Variants in PEBP4 observed in about 807,000 individuals in gnomAD.
PEBP4 encodes phosphatidylethanolamine binding protein 4, also known as phosphatidylethanolamine-binding protein 4.
Under a neutral mutation model 23.9 loss-of-function variants are expected in PEBP4, and 22 were observed. The observed-to-expected ratio is 0.92, with a 90% CI of 0.66 to 1.31. The LOEUF (loss-of-function observed/expected upper bound fraction) is 1.31. PEBP4 is among the 40% of genes most tolerant of loss of function. PEBP4 has a pLI of 0.00. For synonymous variants in PEBP4, 112 were observed against 99.3 expected (o/e 1.13, Z -0.76); for missense variants, 324 against 281.7 (o/e 1.15, Z -1.07).
At chr8:22,829,715 T>A (rs1807041079) in intron 3 of PEBP4, among the ~76,000 whole-genome samples, 3 of 152,200 alleles carry the variant, frequency 2.0e-5, no homozygotes, top group African/African-American at 7.2e-5. Flanking sequence ...CTCCTCATCA[T>A]TAAAACATGA....
chr8:22,893,249 T>C (rs564465262), intron 3 of PEBP4, among the ~76,000 whole-genome samples: 1 of 152,332 alleles, frequency 6.6e-6, no homozygotes, highest in South Asian at 2.1e-4. Flanking sequence ...AACGCTGCTC[T>C]TGTCCTATTT....
chr8:22,800,006 A>G (rs1430935747), intron 4 of PEBP4, among the ~76,000 whole-genome samples: 2 of 152,226 alleles, frequency 1.3e-5, no homozygotes, highest in African/African-American at 2.4e-5. Flanking sequence ...CATATACACC[A>G]TGGAATATTA....
chr8:22,756,069 G>A (rs983907308), intron 4 of PEBP4: 2 of 152,192 alleles, frequency 1.3e-5, no homozygotes, highest in African/African-American at 4.8e-5. Context: ...TAGATTCAGC[G>A]GGGAAGTTGG....
intron 3 of PEBP4, among the ~76,000 whole-genome samples, chr8:22,866,059 A>G (rs1807896063): frequency 4.6e-5 from 7 of 152,204 alleles, no homozygotes; most frequent in Admixed American, 4.6e-4. Context: ...TTTCAGAGCC[A>G]GAGACGAGCC....
At chr8:22,842,225 C>G (rs1044679343) in intron 3 of PEBP4, among the ~76,000 whole-genome samples, 22 of 152,204 alleles carry the variant, frequency 1.4e-4, no homozygotes, top group Admixed American at 6.5e-5. Context: ...ACAAATTGCT[C>G]TTTAAAACGT....
rs899920357 is a variant in PEBP4 at position 22,865,275 on chromosome 8, G to A, written c.259-47540C>T. 3.9e-5 allele frequency among the ~76,000 whole-genome samples: 6 copies of A among 152,158 alleles called. No individual in the cohort carries two copies. Among genetic ancestry groups the A allele is most frequent in the African/African-American group, 1.4e-4 (6 of 41,434 alleles). ...TGCGAAAATGACAAAACAACTCCTT[G>A]CTCAGGGCAGCCCGGGAAGAGCGGC... is the stretch of plus-strand genomic sequence containing the variant. On this transcript the variant is annotated intron_variant, in intron 3 of 6. Coordinates refer to ENST00000256404, the MANE Select transcript of PEBP4 (RefSeq NM_144962.3). This position sits in a 1 kb window ranked among gnomAD's most constrained non-coding sequence, Gnocchi z 6.9.
chr8:22,769,725 G>T (rs377093690), intron 4 of PEBP4, among the ~76,000 whole-genome samples: 1 of 151,786 alleles, frequency 6.6e-6, no homozygotes, highest in African/African-American at 2.4e-5. Flanking sequence ...TCAAAATGTC[G>T]CCAGCATATG....
At chr8:22,747,764 C>A (rs562299126) in intron 4 of PEBP4, among the ~76,000 whole-genome samples, 1 of 152,358 alleles carries the variant, frequency 6.6e-6, no homozygotes, top group South Asian at 2.1e-4. Flanking sequence ...TTGCCCGCTG[C>A]CTGGCCCTGG....
chr8:22,849,585 G>C (rs77910711), intron 3 of PEBP4, among the ~76,000 whole-genome samples: 1,654 of 152,304 alleles, frequency 0.011, 20 homozygotes, highest in Non-Finnish European at 0.018. Context: ...CCACTGCCAA[G>C]TTATCCTGGC....
At chr8:22,839,421 G>T (rs187734826) in intron 3 of PEBP4, among the ~76,000 whole-genome samples, 1 of 152,160 alleles carries the variant, frequency 6.6e-6, no homozygotes, top group African/African-American at 2.4e-5. Context: ...AAGGGCTGGT[G>T]GGGAGGCAGA....
upstream of PEBP4, among the ~76,000 whole-genome samples, chr8:22,928,702 A>G (rs1315343431): frequency 6.6e-6 from 1 of 152,070 alleles, no homozygotes; most frequent in Non-Finnish European, 1.5e-5. Flanking sequence ...CGTGCCAGCA[A>G]CTCAGGACTC....
At chr8:22,899,938 G>A (rs904328207) in intron 3 of PEBP4, among the ~76,000 whole-genome samples, 1 of 152,148 alleles carries the variant, frequency 6.6e-6, no homozygotes, top group Non-Finnish European at 1.5e-5. Flanking sequence ...CAAGGTGAGT[G>A]ACAACGGGAG....
intron 1 of PEBP4, among the ~76,000 whole-genome samples, chr8:22,935,523 C>A (rs1809525303): frequency 6.6e-6 from 1 of 151,880 alleles, no homozygotes; most frequent in Non-Finnish European, 1.5e-5. Flanking sequence ...GAGACTGTCT[C>A]AAAAACAAAA....
chr8:22,777,556 G>A (rs74861357), intron 4 of PEBP4, among the ~76,000 whole-genome samples: 49 of 152,298 alleles, frequency 3.2e-4, no homozygotes, highest in African/African-American at 9.1e-4. Context: ...GACAGCCTGA[G>A]GTGGCCAGGA....
At chr8:22,741,609 T>C (rs986329529) in intron 4 of PEBP4, among the ~76,000 whole-genome samples, 7 of 152,010 alleles carry the variant, frequency 4.6e-5, no homozygotes, top group Non-Finnish European at 8.8e-5. Context: ...CTCAGGCAAG[T>C]GACCCAGCGG....
chr8:22,723,323 C>T (rs917379943), intron 6 of PEBP4, among the ~76,000 whole-genome samples: 1 of 152,124 alleles, frequency 6.6e-6, no homozygotes, highest in Non-Finnish European at 1.5e-5. Flanking sequence ...CTCAGGAGCC[C>T]CAGCACGCAG....
chr8:22,733,980 A>T (rs1804796872), intron 4 of PEBP4, among the ~76,000 whole-genome samples: 3 of 152,146 alleles, frequency 2.0e-5, no homozygotes, highest in Admixed American at 2.0e-4. Context: ...GAAGGAAGAA[A>T]TGAGAAAAAA....
At chr8:22,842,962 T>G (rs7834128) in intron 3 of PEBP4, among the ~76,000 whole-genome samples, 161 of 152,248 alleles carry the variant, frequency 1.1e-3, no homozygotes, top group African/African-American at 3.7e-3. Context: ...TGAGTAGCTG[T>G]GATTACAGGC....
At chr8:22,746,579 G>A (rs1479991551) in intron 4 of PEBP4, among the ~76,000 whole-genome samples, 3 of 149,680 alleles carry the variant, frequency 2.0e-5, no homozygotes, top group Non-Finnish European at 3.0e-5. Context: ...CCTCTCTCCC[G>A]CCTCTCCCCC....
Sources: gnomAD v4.1 joint callset for allele counts (sites outside exome capture counted in the v4.1 genomes callset) on GRCh38, gnomAD v4.1.1 for gene constraint, Gnocchi (gnomAD v3.1) non-coding constraint, MANE v1.5 for transcripts, NCBI Gene and HGNC (gene_info 2026-07-23, HGNC 2026-07-21) for gene names.